Variants in PCDHA1 observed in about 807,000 individuals in gnomAD.
The protein encoded by PCDHA1 is protocadherin alpha 1, also known as protocadherin alpha-1.
Under a neutral mutation model 61.3 loss-of-function variants are expected in PCDHA1, and 42 were observed. The observed-to-expected ratio is 0.69, with a 90% CI of 0.54 to 0.89. PCDHA1 has a LOEUF of 0.89. Among genes scored for constraint, PCDHA1 ranks in the 40% least tolerant of loss-of-function variants. The pLI is 0.00. For synonymous variants in PCDHA1, 610 were observed against 553.8 expected, an observed-to-expected ratio of 1.10 and a Z score of -1.43; for missense variants, 1,256 against 1,235.3, an observed-to-expected ratio of 1.02 and a Z score of -0.25.
intron 1 of PCDHA1, among the ~76,000 whole-genome samples, chr5:140,961,393 G>C (rs1224822152): frequency 6.6e-6 from 1 of 152,104 alleles, no homozygotes; most frequent in African/African-American, 2.4e-5. Context: ...TATTCCATTA[G>C]TAAACACTTT....
chr5:140,937,259 G>T (rs1306999153), intron 1 of PCDHA1, among the ~76,000 whole-genome samples: 1 of 151,852 alleles, frequency 6.6e-6, no homozygotes, highest in African/African-American at 2.4e-5. Context: ...GGATGGTCTC[G>T]ATCTCCTGAC....
At chr5:140,952,325 T>G in intron 1 of PCDHA1, among the ~76,000 whole-genome samples, 1 of 133,382 alleles carries the variant, frequency 7.5e-6, no homozygotes, top group Non-Finnish European at 1.6e-5. Context: ...GCAACAAGAG[T>G]GAAACTCCAT....
chr5:140,851,325 T>G (rs2042028843), intron 1 of PCDHA1: 3 of 984,014 alleles, frequency 3.0e-6, no homozygotes, highest in South Asian at 4.6e-5. Context: ...TTGTTAAGTT[T>G]GTAGTTCTCT....
In PCDHA1 at chr5:140,815,695, T is replaced by A. The variant is rs1365697676; in HGVS notation, c.2394+27011T>A. 3 of 152,310 alleles carry A rather than the reference T, an allele frequency of 2.0e-5. No homozygotes were observed. In the East Asian group the frequency reaches 5.8e-4, roughly 29 times the overall value. 9.4% of individuals were successfully genotyped at this position (152,310 alleles called of 1,614,324 possible). On this transcript the variant is annotated intron_variant, in intron 1 of 3. Coordinates refer to ENST00000504120, the MANE Select transcript of PCDHA1 (RefSeq NM_018900.4). The stretch of plus-strand genomic sequence containing the variant: ...GAGCTTTATACTTTAATAAAATACC[T>A]ATGTATTTCTGTTTAGCATCCCCTA...
At chr5:140,897,580 G>A (rs1420816335) in intron 1 of PCDHA1, among the ~76,000 whole-genome samples, 1 of 151,964 alleles carries the variant, frequency 6.6e-6, no homozygotes, top group African/African-American at 2.4e-5. Flanking sequence ...TCTTAATCCA[G>A]TCTGTCATTG....
intron 1 of PCDHA1, chr5:140,828,046 T>C (rs1305424229): frequency 5.8e-6 from 9 of 1,542,498 alleles, no homozygotes; most frequent in Non-Finnish European, 7.0e-6. Flanking sequence ...TATTTTATCT[T>C]TATGCGGAAG....
intron 1 of PCDHA1, among the ~76,000 whole-genome samples, chr5:140,957,899 A>G (rs551066654): frequency 3.0e-4 from 46 of 152,226 alleles, no homozygotes; most frequent in African/African-American, 1.1e-3. Flanking sequence ...GCATCAACCA[A>G]GGCATATTGT....
At chr5:140,822,749 G>T (rs1425005948) in intron 1 of PCDHA1, 3 of 1,613,758 alleles carry the variant, frequency 1.9e-6, no homozygotes, top group Non-Finnish European at 1.7e-6. Flanking sequence ...ATGGATAAAA[G>T]TACATTCCCA....
At chr5:140,795,007 C>G in intron 1 of PCDHA1, 3 of 1,613,790 alleles carry the variant, frequency 1.9e-6, no homozygotes, top group Non-Finnish European at 2.5e-6. Flanking sequence ...CTGGACACGG[C>G]TGCTCTCGCT....
At chr5:140,868,898 T>C (rs2050724806) in intron 1 of PCDHA1, 1 of 800,434 alleles carries the variant, frequency 1.2e-6, no homozygotes, top group African/African-American at 1.7e-5. Flanking sequence ...GCGCAAGGTG[T>C]CGCTCTTTAC....
chr5:140,858,571 C>A lies in PCDHA1; in HGVS notation c.2394+69887C>A, dbSNP rs377514565. On this transcript the variant is annotated intron_variant, in intron 1 of 3. Transcript: ENST00000504120. ...TATGCTTGAATATTTCTAGTGATAC[C>A]TTTGTAATATAATTTATTCCAGGAG... 1.0e-4 allele frequency: 142 copies of A among 1,362,202 alleles called. 6 individuals carry two copies. The highest frequency in any genetic ancestry group is 1.4e-4 in the Non-Finnish European group (135 of 988,482). The allele number at this position is 1,362,202 out of a possible 1,614,324, so 84.4% of individuals were successfully genotyped here. A position where few individuals can be genotyped will look rare whatever the true frequency, so the allele number is the denominator to read the frequency against.
chr5:140,843,678 G>A, intron 1 of PCDHA1: 2 of 1,591,412 alleles, frequency 1.3e-6, no homozygotes, highest in Non-Finnish European at 1.7e-6. Flanking sequence ...GTTGATGTAG[G>A]CGAAGAGCAA....
intron 1 of PCDHA1, chr5:140,967,369 G>A (rs147557274): frequency 2.4e-5 from 38 of 1,607,564 alleles, no homozygotes; most frequent in Non-Finnish European, 2.9e-5. Context: ...AGCCCCTGCA[G>A]GAGAACAGTA....
At position 140,799,943 on chromosome 5, in the gene PCDHA1, C is replaced by A. The variant is rs150130009; in HGVS notation, c.2394+11259C>A. On this transcript the variant is annotated intron_variant, in intron 1 of 3. Transcript: ENST00000504120. ...TGCTTCTCATTGAATTCACAGATATCTTTAGAATGTTTTATTGCTTAGTGT... is the reference window on the plus strand; with the variant it reads ...TGCTTCTCATTGAATTCACAGATATATTTAGAATGTTTTATTGCTTAGTGT... Among the ~76,000 whole-genome samples the A allele has an allele frequency of 5.9e-5, 9 of 152,134 alleles. No individual in the cohort carries two copies. The East Asian group carries it at 1.7e-3, about 29-fold the overall frequency.
At position 140,788,573 on chromosome 5, in the gene PCDHA1, C is replaced by A; in HGVS notation, c.2283C>A (p.Ser761Arg). ...SQQRRQRVCS[S>R]EGPPKTDLMA... Reference sequence around the variant, plus strand: ...AGAGGCGGCAGAGGGTGTGCTCTAGCGAGGGCCCACCCAAGACCGACCTCA... The same window carrying A: ...AGAGGCGGCAGAGGGTGTGCTCTAGAGAGGGCCCACCCAAGACCGACCTCA... Residue 761 changes from serine (S) to arginine (R), a missense_variant, in exon 1 of 4, where the codon AGC becomes AGA. Transcript: ENST00000504120. 6.2e-7 allele frequency: 1 copy of A among 1,614,130 alleles called. No homozygotes were observed. Among genetic ancestry groups the A allele is most frequent in the Non-Finnish European group, 8.5e-7 (1 of 1,180,002 alleles).
rs116202025 is a variant in PCDHA1, at chr5:140,975,505, A to G, written c.2395-3444A>G. ...ATATCAATGTTCATAAAATAGCACTATGCAAAATCTGCAGTGGATATATTC... is the reference window on the plus strand; with the variant it reads ...ATATCAATGTTCATAAAATAGCACTGTGCAAAATCTGCAGTGGATATATTC... On this transcript the variant is annotated intron_variant, in intron 1 of 3. Transcript: ENST00000504120. Among the ~76,000 whole-genome samples, 512 of 152,350 alleles carry G rather than the reference A, an allele frequency of 3.4e-3. 3 individuals are homozygous for G. Among genetic ancestry groups the G allele is most frequent in the Middle Eastern group, 6.8e-3 (2 of 294 alleles).
At chr5:140,924,550 C>T (rs2081897316) in intron 1 of PCDHA1, among the ~76,000 whole-genome samples, 1 of 152,096 alleles carries the variant, frequency 6.6e-6, no homozygotes, top group Non-Finnish European at 1.5e-5. Context: ...CTCTCCCCAC[C>T]ATTTTAATCA....
chr5:140,859,100 T>C (rs1372747667), intron 1 of PCDHA1: 1 of 150,268 alleles, frequency 6.7e-6, no homozygotes, highest in East Asian at 1.9e-4. Flanking sequence ...ATTATTCACT[T>C]AGCAGAAGAA....
At chr5:140,904,236 T>G (rs1326424532) in intron 1 of PCDHA1, among the ~76,000 whole-genome samples, 2 of 151,966 alleles carry the variant, frequency 1.3e-5, no homozygotes, top group Non-Finnish European at 2.9e-5. Flanking sequence ...ACTTATGCCT[T>G]TGCATCCTCA....
Sources: gnomAD v4.1 joint callset for allele counts (sites outside exome capture counted in the v4.1 genomes callset) on GRCh38, gnomAD v4.1.1 for gene constraint, MANE v1.5 for transcripts, NCBI Gene and HGNC (gene_info 2026-07-23, HGNC 2026-07-21) for gene names.